SGPP2: variants seen among roughly 807,000 people sequenced by gnomAD.
The protein encoded by SGPP2 is sphingosine-1-phosphate phosphatase 2.
SGPP2 carries 30 observed loss-of-function variants against 33.9 expected under a neutral mutation model. The ratio of observed to expected loss-of-function variants is 0.89; its 90% CI spans 0.66 to 1.20. The LOEUF is 1.20. Among genes scored for constraint, SGPP2 ranks in the 50% most tolerant of loss-of-function variants. The pLI, the probability that SGPP2 is intolerant of heterozygous loss-of-function variation, is 0.00. For missense variants in SGPP2, 458 were observed against 532.1 expected, an observed-to-expected ratio of 0.86 and a Z score of 1.37; for synonymous variants, 233 against 225.0, an observed-to-expected ratio of 1.04 and a Z score of -0.32.
At chr2:222,553,531 T>C (rs1689333854) in intron 4 of SGPP2, among the ~76,000 whole-genome samples, 1 of 152,178 alleles carries the variant, frequency 6.6e-6, no homozygotes, top group African/African-American at 2.4e-5. Flanking sequence ...TGGGCCACGC[T>C]TCTGATCAGA....
At chr2:222,536,669 G>T (rs1315957104) in intron 4 of SGPP2, among the ~76,000 whole-genome samples, 1 of 152,040 alleles carries the variant, frequency 6.6e-6, no homozygotes, top group Non-Finnish European at 1.5e-5. Context: ...GATAGAGCAA[G>T]ACTCTGTCTC....
intron 4 of SGPP2, among the ~76,000 whole-genome samples, chr2:222,549,910 C>T (rs1689262791): frequency 6.7e-6 from 1 of 150,058 alleles, no homozygotes; most frequent in South Asian, 2.1e-4. Context: ...GACAGTCTCA[C>T]TCTGTCACCC....
At chr2:222,468,131 G>A (rs959522200) in intron 1 of SGPP2, among the ~76,000 whole-genome samples, 20 of 152,090 alleles carry the variant, frequency 1.3e-4, no homozygotes, top group African/African-American at 4.6e-4. Flanking sequence ...GTCTGGAAGA[G>A]GTTGAGGTCC....
intron 1 of SGPP2, among the ~76,000 whole-genome samples, chr2:222,440,250 C>G (rs1056679089): frequency 6.6e-6 from 1 of 152,130 alleles, no homozygotes; most frequent in Non-Finnish European, 1.5e-5. Context: ...AAGGAGAGCA[C>G]AGAGAAGTGT....
At chr2:222,467,177 C>T (rs1226201264) in intron 1 of SGPP2, among the ~76,000 whole-genome samples, 1 of 152,208 alleles carries the variant, frequency 6.6e-6, no homozygotes, top group Non-Finnish European at 1.5e-5. Flanking sequence ...ACGTCAACAT[C>T]ACCTGCGCTC....
At chr2:222,486,700 T>C (rs1382505149) in intron 2 of SGPP2, among the ~76,000 whole-genome samples, 1 of 152,164 alleles carries the variant, frequency 6.6e-6, no homozygotes, top group African/African-American at 2.4e-5. Context: ...GAGGAAACCA[T>C]GTGAGAAGGC....
At chr2:222,497,139 G>T (rs1253979862) in intron 2 of SGPP2, among the ~76,000 whole-genome samples, 1 of 152,020 alleles carries the variant, frequency 6.6e-6, no homozygotes, top group African/African-American at 2.4e-5. Flanking sequence ...TTATCTCAAG[G>T]TGTTTGCAGG....
chr2:222,504,726 C>T (rs887176143), intron 2 of SGPP2: 12 of 152,316 alleles, frequency 7.9e-5, no homozygotes, highest in Non-Finnish European at 1.6e-4. Flanking sequence ...GACACGTAGT[C>T]CCTATTGCTG....
At chr2:222,520,722 G>GAAAAAA (rs369507692) in intron 2 of SGPP2, among the ~76,000 whole-genome samples, 1 of 39,698 alleles carries the variant, frequency 2.5e-5, no homozygotes, top group Non-Finnish European at 7.8e-5. Flanking sequence ...GTGAGACTCT[G>GAAAAAA]AAAAAAAAAA....
chr2:222,532,390 A>C (rs1698852183), intron 4 of SGPP2, among the ~76,000 whole-genome samples: 1 of 152,222 alleles, frequency 6.6e-6, no homozygotes, highest in Non-Finnish European at 1.5e-5. Context: ...CCCGCCTCTT[A>C]GGAAGTCACT....
Position 222,561,989 on chromosome 2 carries a change from G to C in SGPP2, c.*3091G>C, listed in dbSNP as rs569904957. Among the ~76,000 whole-genome samples, 1 of 152,226 alleles carries C rather than the reference G, an allele frequency of 6.6e-6. No individual in the cohort carries two copies. The highest frequency in any genetic ancestry group is 6.5e-5 in the Admixed American group (1 of 15,288). ...GTTCAGGCTCCTTTCAAGACATTTG[G>C]AGTTTCTCTCTGGGGAAAGAGAGCC... On this transcript the variant is annotated 3_prime_UTR_variant, in exon 5 of 5. Coordinates refer to ENST00000321276, the MANE Select transcript of SGPP2 (RefSeq NM_152386.4).
chr2:222,537,130 C>T, intron 4 of SGPP2, among the ~76,000 whole-genome samples: 1 of 152,144 alleles, frequency 6.6e-6, no homozygotes, highest in Admixed American at 6.5e-5. Context: ...CAGGAAGCCT[C>T]CTGTATTCTT....
In SGPP2 at chr2:222,558,930, C is replaced by A. The variant is rs1245139142; in HGVS notation, c.*32C>A. On this transcript the variant is annotated 3_prime_UTR_variant, in exon 5 of 5. Transcript: ENST00000321276. Reference sequence around the variant, plus strand: ...AACAGTTGGAAACTAGCCCACTGGACATGAAAGCCAAGACATAGGAAAGTT... The same window carrying A: ...AACAGTTGGAAACTAGCCCACTGGAAATGAAAGCCAAGACATAGGAAAGTT... The A allele has an allele frequency of 1.3e-6, 2 of 1,580,024 alleles. No individual in the cohort carries two copies. The highest frequency in any genetic ancestry group is 2.3e-5 in the South Asian group (2 of 88,246).
intron 2 of SGPP2, among the ~76,000 whole-genome samples, chr2:222,502,629 G>A (rs1698384726): frequency 6.6e-6 from 1 of 152,172 alleles, no homozygotes; most frequent in Non-Finnish European, 1.5e-5. Flanking sequence ...AATATGCGCT[G>A]TAGATAGGCT....
At chr2:222,433,885 G>A (rs1030160030) in intron 1 of SGPP2, among the ~76,000 whole-genome samples, 1 of 152,210 alleles carries the variant, frequency 6.6e-6, no homozygotes, top group Non-Finnish European at 1.5e-5. Context: ...TTTTAGGAAG[G>A]CTGTGGACAG....
At chr2:222,453,583 A>C (rs1180503382) in intron 1 of SGPP2, among the ~76,000 whole-genome samples, 1 of 151,518 alleles carries the variant, frequency 6.6e-6, no homozygotes, top group Non-Finnish European at 1.5e-5. Flanking sequence ...AAGACAAGGA[A>C]AAAAAAAATG....
chr2:222,464,050 G>A (rs956456330), intron 1 of SGPP2, among the ~76,000 whole-genome samples: 1 of 152,128 alleles, frequency 6.6e-6, no homozygotes, highest in Non-Finnish European at 1.5e-5. Flanking sequence ...ACATCATACA[G>A]CTCTTCCAAG....
At chr2:222,529,164 T>C (rs1698802589) in intron 4 of SGPP2, among the ~76,000 whole-genome samples, 2 of 152,208 alleles carry the variant, frequency 1.3e-5, no homozygotes, top group Non-Finnish European at 2.9e-5. Context: ...CTTGTCATTT[T>C]AACAATGTTC....
intron 2 of SGPP2, among the ~76,000 whole-genome samples, chr2:222,502,189 G>T (rs996623540): frequency 6.6e-6 from 1 of 152,266 alleles, no homozygotes; most frequent in South Asian, 2.1e-4. Context: ...CAGGAATCAG[G>T]ATATATACAT....
Sources: gnomAD v4.1 joint callset for allele counts (sites outside exome capture counted in the v4.1 genomes callset) on GRCh38, gnomAD v4.1.1 for gene constraint, MANE v1.5 for transcripts, NCBI Gene and HGNC (gene_info 2026-07-23, HGNC 2026-07-21) for gene names.